Variants in ADAMTSL3 observed in about 807,000 individuals in gnomAD.
ADAMTSL3 encodes the protein ADAMTS like 3.
A neutral mutation model predicts 201.7 loss-of-function variants in ADAMTSL3; 128 were observed. The observed-to-expected ratio is 0.63, with a 90% CI of 0.55 to 0.73. The LOEUF is 0.73. ADAMTSL3 is among the 30% of genes least tolerant of loss of function. The pLI is 0.00. For synonymous variants in ADAMTSL3, 738 were observed against 748.4 expected (o/e 0.99, Z 0.23); for missense variants, 1,990 against 2,119.6 (o/e 0.94, Z 1.20).
chr15:83,827,665 A>G (rs917048548), intron 6 of ADAMTSL3, among the ~76,000 whole-genome samples: 2 of 152,168 alleles, frequency 1.3e-5, no homozygotes, highest in African/African-American at 2.4e-5. Context: ...TAAGTCTTTA[A>G]TCCATCTTGA....
At chr15:83,853,658 T>A (rs1596316664) in intron 7 of ADAMTSL3, among the ~76,000 whole-genome samples, 1 of 152,142 alleles carries the variant, frequency 6.6e-6, no homozygotes, top group East Asian at 1.9e-4. Context: ...TAAACTTCAT[T>A]TGTATATAGT....
intron 4 of ADAMTSL3, among the ~76,000 whole-genome samples, chr15:83,783,128 G>A (rs1405515058): frequency 7.0e-6 from 1 of 143,830 alleles, no homozygotes; most frequent in African/African-American, 2.5e-5. Context: ...TCAGAAGAGA[G>A]TAAAATTAAT....
chr15:83,659,369 C>T (rs1047581018), intron 2 of ADAMTSL3, among the ~76,000 whole-genome samples: 1 of 152,190 alleles, frequency 6.6e-6, no homozygotes, highest in Non-Finnish European at 1.5e-5. Flanking sequence ...TGGCTCCGAT[C>T]CTGTCCCCTG....
intron 14 of ADAMTSL3, 43 bp from the exon 15 acceptor site, chr15:83,899,603 AT>A: frequency 6.3e-7 from 1 of 1,575,928 alleles, no homozygotes; most frequent in Non-Finnish European, 8.6e-7. Context: ...CTCCTTAATG[AT>A]TAATAGTAAT....
intron 4 of ADAMTSL3, among the ~76,000 whole-genome samples, chr15:83,798,825 C>CA (rs1054703300): frequency 4.2e-5 from 5 of 118,590 alleles, no homozygotes; most frequent in South Asian, 5.6e-4. Flanking sequence ...AAAAAAAAAA[C>CA]AAAAAAAAAG....
At chr15:83,938,627 C>T (rs1283811077) in intron 17 of ADAMTSL3, among the ~76,000 whole-genome samples, 1 of 152,066 alleles carries the variant, frequency 6.6e-6, no homozygotes, top group East Asian at 1.9e-4. Context: ...TGGCAATCTC[C>T]TTACTTTTTT....
At chr15:84,002,863 T>C (rs918700133) in intron 23 of ADAMTSL3, among the ~76,000 whole-genome samples, 16 of 152,108 alleles carry the variant, frequency 1.1e-4, no homozygotes, top group African/African-American at 3.9e-4. Context: ...CACTCCATAA[T>C]GATATCTTAT....
intron 3 of ADAMTSL3, among the ~76,000 whole-genome samples, chr15:83,705,786 G>A (rs892294772): frequency 6.6e-6 from 1 of 152,194 alleles, no homozygotes; most frequent in African/African-American, 2.4e-5. Context: ...GGACTGGGGT[G>A]AAGGTCAGGG....
intron 8 of ADAMTSL3, chr15:83,862,700 A>T (rs2064891413): frequency 1.3e-5 from 2 of 152,178 alleles, no homozygotes; most frequent in Admixed American, 6.5e-5. Flanking sequence ...GCTAGGAAGA[A>T]ACTGCATCAA....
In ADAMTSL3 at chr15:83,989,043, C is replaced by T. The variant is rs1246969209; in HGVS notation, c.3844+225C>T. ...GACTACAGGCGCCCGCCACCACGCCCGGCTAATTTTTTGTATTTTTAGTAG... is the reference window on the plus strand; with the variant it reads ...GACTACAGGCGCCCGCCACCACGCCTGGCTAATTTTTTGTATTTTTAGTAG... On this transcript the variant is annotated intron_variant, in intron 22 of 29. Coordinates refer to ENST00000286744, the MANE Select transcript of ADAMTSL3 (RefSeq NM_207517.3). 4.6e-5 allele frequency among the ~76,000 whole-genome samples: 7 copies of T among 151,884 alleles called. No individual in the cohort carries two copies. In the South Asian group the frequency reaches 1.2e-3, roughly 27 times the overall value.
chr15:83,673,036 G>A (rs1196964799), intron 2 of ADAMTSL3, among the ~76,000 whole-genome samples: 1 of 152,232 alleles, frequency 6.6e-6, no homozygotes, highest in African/African-American at 2.4e-5. Context: ...TGCATTAGCA[G>A]CTTCCATTGT....
intron 6 of ADAMTSL3, among the ~76,000 whole-genome samples, chr15:83,820,979 C>T (rs1033081124): frequency 2.6e-5 from 4 of 151,724 alleles, no homozygotes; most frequent in Admixed American, 6.6e-5. Context: ...GAGGCTGAGG[C>T]GGGAGAATCA....
At chr15:83,763,632 G>T (rs1440546183) in intron 3 of ADAMTSL3, among the ~76,000 whole-genome samples, 4 of 151,786 alleles carry the variant, frequency 2.6e-5, no homozygotes, top group African/African-American at 7.3e-5. Context: ...AGCCTCCTGA[G>T]TAGCTGGGAC....
intron 3 of ADAMTSL3, among the ~76,000 whole-genome samples, chr15:83,743,467 T>C (rs1012545529): frequency 2.2e-4 from 32 of 142,674 alleles, no homozygotes; most frequent in Middle Eastern, 7.8e-3. Flanking sequence ...GAGCCGAGAT[T>C]GCGCCACTGC....
intron 4 of ADAMTSL3, among the ~76,000 whole-genome samples, chr15:83,795,289 AG>A (rs1423925185): frequency 1.3e-5 from 2 of 152,210 alleles, no homozygotes; most frequent in Admixed American, 1.3e-4. Context: ...CAACAACAAC[AG>A]AACTAAAGTT....
chr15:83,764,068 A>G (rs577361729), intron 3 of ADAMTSL3, among the ~76,000 whole-genome samples: 1 of 152,098 alleles, frequency 6.6e-6, no homozygotes, highest in Non-Finnish European at 1.5e-5. Flanking sequence ...TCATCCTAAC[A>G]TCTCCTTTCT....
chr15:83,899,806 T>G (rs1371162894), intron 15 of ADAMTSL3, 75 bp downstream of exon 15: 2 of 1,517,364 alleles, frequency 1.3e-6, no homozygotes, highest in East Asian at 4.9e-5. Context: ...TTGTACTCAT[T>G]GGAGTACAGT....
At chr15:83,894,753 A>C (rs999562019) in intron 13 of ADAMTSL3, among the ~76,000 whole-genome samples, 1 of 152,122 alleles carries the variant, frequency 6.6e-6, no homozygotes, top group African/African-American at 2.4e-5. Context: ...TCCTGTGGCC[A>C]TAAGGCCCTA....
chr15:83,905,201 C>T (rs1487693660), intron 15 of ADAMTSL3, among the ~76,000 whole-genome samples: 1 of 152,166 alleles, frequency 6.6e-6, no homozygotes, highest in Non-Finnish European at 1.5e-5. Flanking sequence ...TTTCACCCAT[C>T]CTTGGGTTTA....
Sources: gnomAD v4.1 joint callset for allele counts (sites outside exome capture counted in the v4.1 genomes callset) on GRCh38, gnomAD v4.1.1 for gene constraint, MANE v1.5 for transcripts, NCBI Gene and HGNC (gene_info 2026-07-23, HGNC 2026-07-21) for gene names.